The following TBC1D9B variants were observed in gnomAD, a reference collection of about 807,000 sequenced individuals.
TBC1D9B encodes the protein TBC1 domain family, member 9B (with GRAM domain).
TBC1D9B carries 87 observed loss-of-function variants against 121.1 expected under a neutral mutation model. The observed-to-expected ratio is 0.72, with a 90% confidence interval of 0.60 to 0.86. The LOEUF is 0.86. Among genes scored for constraint, TBC1D9B ranks in the 40% least tolerant of loss-of-function variants. The pLI is 0.00. For missense variants in TBC1D9B, 1,540 were observed against 1,628.6 expected, an observed-to-expected ratio of 0.95 and a Z score of 0.94; for synonymous variants, 668 against 670.1, an observed-to-expected ratio of 1.00 and a Z score of 0.05.
rs1364084073 is a variant in TBC1D9B at position 179,907,036 on chromosome 5, C to T, written c.118+668G>A. ...CCGCACGACTCCAAGGGTGCCTGTC[C>T]AGCTTCATCCTGTGTGATGGTGGCA... On this transcript the variant is annotated intron_variant, in intron 1 of 20. Transcript: ENST00000355235. This position sits in a 1 kb window ranked among gnomAD's most constrained non-coding sequence, Gnocchi z 5.3. Among the ~76,000 whole-genome samples, 3 of 152,166 alleles carry T rather than the reference C, an allele frequency of 2.0e-5. No homozygotes were observed. Among genetic ancestry groups the T allele is most frequent in the African/African-American group, 4.8e-5 (2 of 41,456 alleles).
At chr5:179,896,507 T>G (rs1761020898) in intron 3 of TBC1D9B, among the ~76,000 whole-genome samples, 1 of 152,192 alleles carries the variant, frequency 6.6e-6, no homozygotes, top group Non-Finnish European at 1.5e-5. Flanking sequence ...GTTATTCTAA[T>G]AAAGTGCCCA....
At chr5:179,903,972 G>A (rs1261080832) in intron 2 of TBC1D9B, among the ~76,000 whole-genome samples, 1 of 152,200 alleles carries the variant, frequency 6.6e-6, no homozygotes, top group African/African-American at 2.4e-5. Flanking sequence ...GAACGTGCAT[G>A]TGTCCATGAG....
chr5:179,873,382 T>G (rs982910444), intron 12 of TBC1D9B, 134 bp from the exon 13 acceptor site: 1 of 1,335,246 alleles, frequency 7.5e-7, no homozygotes, highest in African/African-American at 1.5e-5. Flanking sequence ...CTGGGCACCC[T>G]GCAGGAGGGC....
At chr5:179,870,886 G>A (rs754749535) in intron 15 of TBC1D9B, among the ~76,000 whole-genome samples, 9 of 152,244 alleles carry the variant, frequency 5.9e-5, no homozygotes, top group Non-Finnish European at 5.9e-5. Context: ...CAGCGCAGCA[G>A]CCACCTTGAG....
In TBC1D9B at chr5:179,907,200, C is replaced by G. The variant is rs1761347114; in HGVS notation, c.118+504G>C. On this transcript the variant is annotated intron_variant, in intron 1 of 20. Transcript: ENST00000355235. The surrounding 1 kb of genome is among the most constrained non-coding windows in gnomAD (Gnocchi z 5.3). ...AGAAGCTGGGGGAATGGGGGTGCGG[C>G]CAGCTCCAGGGACCTCTGATCTTGC... 6.6e-6 allele frequency among the ~76,000 whole-genome samples: 1 copy of G among 152,172 alleles called. No homozygotes were observed. Among genetic ancestry groups the G allele is most frequent in the Non-Finnish European group, 1.5e-5 (1 of 68,010 alleles).
chr5:179,866,071 A>C (rs1249364323), intron 18 of TBC1D9B, 183 bp from the exon 19 acceptor site: 1 of 630,700 alleles, frequency 1.6e-6, no homozygotes, highest in East Asian at 2.8e-5. Context: ...ATGGCACCAG[A>C]GCAAAAGGGC....
Position 179,891,573 on chromosome 5 carries a change from G to C in TBC1D9B, c.850C>G (p.Arg284Gly). 6.2e-7 allele frequency: 1 copy of C among 1,613,134 alleles called. No individual in the cohort carries two copies. ...ISALKRDLDA[R>G]AKNECYRATF... is the part of the protein sequence containing the mutation. ...GCTCGGTAGCACTCATTCTTGGCTC[G>C]GGCGTCCAGGTCTCTGGGGAAACAA... is the stretch of plus-strand genomic sequence containing the variant. The change falls in exon 6 of 21, where the codon CGA (arginine) becomes GGA (glycine). Residue 284 changes from arginine (R) to glycine (G), a missense_variant. By Grantham distance (125) the Arg-to-Gly change is moderately radical. Coordinates refer to ENST00000355235, the MANE Select transcript of TBC1D9B (RefSeq NM_015043.4). The surrounding 1 kb of genome is among the most constrained non-coding windows in gnomAD (Gnocchi z 4.3).
rs573855951 is a variant in TBC1D9B, at chr5:179,863,766, G to A, written c.3384C>T (p.Asp1128=). Residue 1128 remains aspartate (D), a synonymous_variant, in exon 21 of 21, where the codon GAC becomes GAT. Transcript: ENST00000355235. This position sits in a 1 kb window ranked among gnomAD's most constrained non-coding sequence, Gnocchi z 4.5. The stretch of plus-strand genomic sequence containing the variant: ...TGGACATGTCGTCTTTGGTTTCATC[G>A]TCAGACAGCAGCTGGGAGGGTGAGC... ...GQGSPSQLLS[D]DETKDDMSMS... 20 of 1,613,564 alleles carry A rather than the reference G, an allele frequency of 1.2e-5. No individual in the cohort carries two copies. Among genetic ancestry groups the A allele is most frequent in the Middle Eastern group, 3.3e-4 (2 of 6,062 alleles).
chr5:179,888,396 C>T lies in TBC1D9B; in HGVS notation c.1045-84G>A. The T allele has an allele frequency of 3.0e-6, 4 of 1,345,064 alleles. 1 individual carries two copies. In the South Asian group the frequency reaches 3.7e-5, roughly 12 times the overall value. The allele number at this position is 1,345,064 out of a possible 1,614,324, so 83.3% of individuals were successfully genotyped here. On this transcript the variant is annotated intron_variant, in intron 6 of 20. Coordinates refer to ENST00000355235, the MANE Select transcript of TBC1D9B (RefSeq NM_015043.4). ...GCTTTGTGAATGGCAGACTGTCATG[C>T]AGCTGTCCTCTCCTGGGCACAATGC...
chr5:179,895,895 A>C (rs1761004898), intron 3 of TBC1D9B, among the ~76,000 whole-genome samples: 1 of 152,178 alleles, frequency 6.6e-6, no homozygotes, highest in Non-Finnish European at 1.5e-5. Context: ...AAGTATTTTG[A>C]GCTGAAGGCA....
rs1277778020 is a variant in TBC1D9B, at chr5:179,873,103, C to T, written c.2316+16G>A. ...GATGGAGCGGCCTGGCCAAAATGGC[C>T]CCACTGGGTGCTGACCTCATAGGAC... On this transcript the variant is annotated intron_variant, in intron 13 of 20. Coordinates refer to ENST00000355235, the MANE Select transcript of TBC1D9B (RefSeq NM_015043.4). 1.9e-6 allele frequency: 3 copies of T among 1,610,406 alleles called. No homozygotes were observed. The highest frequency in any genetic ancestry group is 1.7e-5 in the Admixed American group (1 of 59,856).
intron 17 of TBC1D9B, chr5:179,869,300 C>T: frequency 2.9e-6 from 1 of 340,586 alleles, no homozygotes; most frequent in Non-Finnish European, 5.8e-6. Context: ...CCTGCACAGA[C>T]AGCCTGTCGC....
chr5:179,880,582 A>C (rs1379660150), intron 7 of TBC1D9B, among the ~76,000 whole-genome samples: 1 of 152,072 alleles, frequency 6.6e-6, no homozygotes, highest in Non-Finnish European at 1.5e-5. Context: ...AACACTTCAC[A>C]TTCTGTGTTT....
Position 179,875,175 on chromosome 5 carries a change from T to A in TBC1D9B, c.1913A>T (p.Asp638Val). The A allele has an allele frequency of 6.2e-7, 1 of 1,613,186 alleles. No individual in the cohort carries two copies. Among genetic ancestry groups the A allele is most frequent in the Non-Finnish European group, 8.5e-7 (1 of 1,179,912 alleles). The change falls in exon 12 of 21, where the codon GAC becomes GTC. Residue 638 changes from aspartate to valine, a missense_variant. Coordinates refer to ENST00000355235, the MANE Select transcript of TBC1D9B (RefSeq NM_015043.4). The surrounding 1 kb of genome is among the most constrained non-coding windows in gnomAD (Gnocchi z 4.5). ...YNTRVVGALV[D>V]QGIFEELTRD... ...CGTGAGCTCTTCGAAGATGCCTTGGTCCACCAGGGCTCCTGCGGGCAGGAT... is the reference window on the plus strand; with the variant it reads ...CGTGAGCTCTTCGAAGATGCCTTGGACCACCAGGGCTCCTGCGGGCAGGAT...
At chr5:179,870,972 G>C (rs1760176589) in intron 15 of TBC1D9B, among the ~76,000 whole-genome samples, 1 of 152,212 alleles carries the variant, frequency 6.6e-6, no homozygotes, top group South Asian at 2.1e-4. Flanking sequence ...AACCATTAAG[G>C]CTGGGTCTTT....
At chr5:179,870,130 G>T in intron 16 of TBC1D9B, 125 bp downstream of exon 16, 1 of 1,479,390 alleles carries the variant, frequency 6.8e-7, no homozygotes, top group Non-Finnish European at 9.1e-7. Context: ...CCGTATCTAG[G>T]GCCAGGGGCT....
chr5:179,870,620 C>A (rs933652252), intron 15 of TBC1D9B, 125 bp from the exon 16 acceptor site: 5 of 1,390,342 alleles, frequency 3.6e-6, no homozygotes, highest in African/African-American at 1.4e-5. Context: ...GCGGTAAGCA[C>A]GGGCCAGACA....
Position 179,863,981 on chromosome 5 carries a change from T to C in TBC1D9B, c.3169A>G (p.Arg1057Gly). Residue 1057 changes from arginine (R) to glycine (G), a missense_variant, in exon 21 of 21, where the codon AGG becomes GGG. Arg to Gly is a moderately radical substitution (Grantham distance 125, BLOSUM62 -2). Coordinates refer to ENST00000355235, the MANE Select transcript of TBC1D9B (RefSeq NM_015043.4). This position sits in a 1 kb window ranked among gnomAD's most constrained non-coding sequence, Gnocchi z 4.5. ...TCAGTGGCACAGTCCCTGGGCTTCC[T>C]GCCTGTGCGGGCTGAGAACTTCTTC... ...VGKKFSARTG[R>G]KPRDCATEED... 6.2e-7 allele frequency: 1 copy of C among 1,613,874 alleles called. No individual in the cohort carries two copies. Among genetic ancestry groups the C allele is most frequent in the Non-Finnish European group, 8.5e-7 (1 of 1,180,028 alleles).
At chr5:179,905,085 G>C (rs193275662) in intron 1 of TBC1D9B, among the ~76,000 whole-genome samples, 1 of 152,246 alleles carries the variant, frequency 6.6e-6, no homozygotes, top group African/African-American at 2.4e-5. Flanking sequence ...AGTTTCATGG[G>C]GCCAGAGCTT....
Sources: allele counts gnomAD v4.1 joint callset (sites outside exome capture counted in the v4.1 genomes callset), GRCh38; gene constraint gnomAD v4.1.1; non-coding constraint Gnocchi (gnomAD v3.1); transcripts MANE v1.5; gene names NCBI Gene and HGNC (gene_info 2026-07-23, HGNC 2026-07-21).